The following NALF1 variants were observed in gnomAD, a reference collection of about 807,000 sequenced individuals.
The protein encoded by NALF1 is NALCN channel auxiliary factor 1, also known as family with sequence similarity 155 member A.
Under a neutral mutation model 48.4 loss-of-function variants are expected in NALF1, and 3 were observed. That is an observed-to-expected ratio of 0.06 (90% CI 0.03 to 0.16). The LOEUF (loss-of-function observed/expected upper bound fraction) is 0.16. NALF1 is among the 10% of genes least tolerant of loss of function. NALF1 has a pLI of 1.00. For synonymous variants in NALF1, 262 were observed against 245.7 expected, an observed-to-expected ratio of 1.07 and a Z score of -0.62; for missense variants, 526 against 571.5, an observed-to-expected ratio of 0.92 and a Z score of 0.81.
chr13:107,701,338 G>T (rs1197897266), intron 1 of NALF1, among the ~76,000 whole-genome samples: 1 of 152,096 alleles, frequency 6.6e-6, no homozygotes, highest in Non-Finnish European at 1.5e-5. Context: ...TGCCACACAT[G>T]ACTGGACCTA....
chr13:107,458,521 C>T (rs998559915), intron 1 of NALF1, among the ~76,000 whole-genome samples: 4 of 152,134 alleles, frequency 2.6e-5, no homozygotes, highest in Non-Finnish European at 4.4e-5. Flanking sequence ...AGGAAGTGCA[C>T]GCCTGGGCAA....
intron 1 of NALF1, among the ~76,000 whole-genome samples, chr13:107,731,097 T>G (rs1192934748): frequency 6.6e-6 from 1 of 152,148 alleles, no homozygotes; most frequent in Non-Finnish European, 1.5e-5. Flanking sequence ...ATTAGAGCAT[T>G]ATGCAATGTT....
rs186327100 is a variant in NALF1 at position 107,508,880 on chromosome 13, C to A, written c.916-298125G>T. On this transcript the variant is annotated intron_variant, in intron 1 of 2. Transcript: ENST00000375915. ...AAACAACAAAAGCTGGAAAATACTA[C>A]GCTTTCCCTGCTAAATTTAAAACTT... Among the ~76,000 whole-genome samples the A allele has an allele frequency of 3.6e-4, 55 of 152,146 alleles. No homozygotes were observed. In the South Asian group the frequency reaches 8.7e-3, roughly 24 times the overall value.
Position 107,167,003 on chromosome 13 carries a change from A to G in NALF1, c.*3494T>C, listed in dbSNP as rs1270716452. ...ATCTTTTTAATGCAAGAAAAGTTCA[A>G]TATAACGTATCACCAAATGTAAATG... On this transcript the variant is annotated 3_prime_UTR_variant, in exon 3 of 3. Transcript: ENST00000375915. 3 of 152,232 alleles carry G rather than the reference A, an allele frequency of 2.0e-5. No homozygotes were observed. Among genetic ancestry groups the G allele is most frequent in the Admixed American group, 2.0e-4 (3 of 15,288 alleles). 9.4% of individuals were successfully genotyped at this position (152,232 alleles called of 1,614,324 possible).
chr13:107,224,019 T>G (rs564150470), intron 1 of NALF1, among the ~76,000 whole-genome samples: 1 of 150,496 alleles, frequency 6.6e-6, no homozygotes, highest in East Asian at 1.9e-4. Flanking sequence ...GTTTAATTGA[T>G]TAATTAATTA....
intron 1 of NALF1, among the ~76,000 whole-genome samples, chr13:107,354,582 T>G (rs1882930057): frequency 6.6e-6 from 1 of 152,104 alleles, no homozygotes; most frequent in Non-Finnish European, 1.5e-5. Flanking sequence ...CAATAGGTAT[T>G]ACAATTCTAT....
Position 107,867,409 on chromosome 13 carries a change from C to A in NALF1, c.-813G>T, listed in dbSNP as rs998714942. 6.7e-6 allele frequency among the ~76,000 whole-genome samples: 1 copy of A among 148,728 alleles called. No homozygotes were observed. The highest frequency in any genetic ancestry group is 1.5e-5 in the Non-Finnish European group (1 of 66,910). On this transcript the variant is annotated 5_prime_UTR_variant, in exon 1 of 3. Transcript: ENST00000375915. The surrounding 1 kb of genome is among the most constrained non-coding windows in gnomAD (Gnocchi z 4.4). Reference sequence around the variant, plus strand: ...CCTCCCGCGGAGCTCCGGGCCGAATCGCCTGGGCTGGGCCTCCCGAGAGCC... The same window carrying A: ...CCTCCCGCGGAGCTCCGGGCCGAATAGCCTGGGCTGGGCCTCCCGAGAGCC...
At chr13:107,182,226 C>CTCTG (rs1555325193) in intron 2 of NALF1, among the ~76,000 whole-genome samples, 1 of 145,160 alleles carries the variant, frequency 6.9e-6, no homozygotes, top group East Asian at 2.0e-4. Flanking sequence ...TTTATTTATG[C>CTCTG]TGTGTGTGTG....
At chr13:107,517,901 G>C (rs1436887287) in intron 1 of NALF1, among the ~76,000 whole-genome samples, 2 of 150,684 alleles carry the variant, frequency 1.3e-5, no homozygotes, top group East Asian at 4.0e-4. Context: ...TCAGTGAGCC[G>C]AGGTTGCGCC....
At chr13:107,352,706 A>C (rs2138946577) in intron 1 of NALF1, among the ~76,000 whole-genome samples, 1 of 152,302 alleles carries the variant, frequency 6.6e-6, no homozygotes, top group Middle Eastern at 3.4e-3. Context: ...CTTGGAAAGC[A>C]ATACCTCAAA....
chr13:107,634,745 GAA>G (rs1346919529), intron 1 of NALF1, among the ~76,000 whole-genome samples: 2 of 152,038 alleles, frequency 1.3e-5, no homozygotes, highest in Non-Finnish European at 2.9e-5. Context: ...GGAGAATCAA[GAA>G]AAGTCAGCAA....
rs202100955 is a variant in NALF1 at position 107,602,053 on chromosome 13, G to A, written c.915+263629C>T. On this transcript the variant is annotated intron_variant, in intron 1 of 2. Transcript: ENST00000375915. ...TAAAAATAAAGCTCATGATTTAATT[G>A]TATAGAAAGGTCTCTGAACTGCATC... Among the ~76,000 whole-genome samples the A allele has an allele frequency of 0.022, 3,354 of 152,074 alleles. 210 individuals carry two copies. In the East Asian group the frequency reaches 0.26, roughly 12 times the overall value.
At chr13:107,480,198 G>A (rs1280635924) in intron 1 of NALF1, among the ~76,000 whole-genome samples, 1 of 152,038 alleles carries the variant, frequency 6.6e-6, no homozygotes, top group Non-Finnish European at 1.5e-5. Flanking sequence ...TTATAGTTGA[G>A]GCCAGATGAG....
chr13:107,390,298 T>C (rs1270234702), intron 1 of NALF1, among the ~76,000 whole-genome samples: 2 of 150,900 alleles, frequency 1.3e-5, no homozygotes, highest in South Asian at 2.1e-4. Context: ...TGGGCCAAGA[T>C]CACGCCACTG....
chr13:107,647,461 T>C (rs1312853017), intron 1 of NALF1, among the ~76,000 whole-genome samples: 7 of 148,598 alleles, frequency 4.7e-5, no homozygotes, highest in Non-Finnish European at 3.0e-5. Flanking sequence ...CTATGTTTTA[T>C]CGAAAAAAAA....
chr13:107,701,476 T>A (rs895980631), intron 1 of NALF1, among the ~76,000 whole-genome samples: 1 of 151,712 alleles, frequency 6.6e-6, no homozygotes, highest in African/African-American at 2.4e-5. Flanking sequence ...TATACAGAAA[T>A]AGAGAATAAA....
intron 1 of NALF1, among the ~76,000 whole-genome samples, chr13:107,369,014 CCCTG>C (rs1270377699): frequency 1.3e-5 from 2 of 152,230 alleles, no homozygotes; most frequent in African/African-American, 4.8e-5. Context: ...AAATGCAGTT[CCCTG>C]CCTGCCTAAC....
At chr13:107,490,274 A>T (rs1308993104) in intron 1 of NALF1, among the ~76,000 whole-genome samples, 1 of 152,184 alleles carries the variant, frequency 6.6e-6, no homozygotes, top group Non-Finnish European at 1.5e-5. Flanking sequence ...ACACACTCGC[A>T]TGTGTTCACT....
At chr13:107,319,263 T>C (rs1882208700) in intron 1 of NALF1, among the ~76,000 whole-genome samples, 1 of 152,012 alleles carries the variant, frequency 6.6e-6, no homozygotes, top group Non-Finnish European at 1.5e-5. Context: ...GTTGAACTGG[T>C]GAACGTGGGA....
Sources: allele counts gnomAD v4.1 joint callset (sites outside exome capture counted in the v4.1 genomes callset), GRCh38; gene constraint gnomAD v4.1.1; non-coding constraint Gnocchi (gnomAD v3.1); transcripts MANE v1.5; gene names NCBI Gene and HGNC (gene_info 2026-07-23, HGNC 2026-07-21).